MMEL1: variants seen among roughly 807,000 people sequenced by gnomAD.
MMEL1 encodes the protein membrane metalloendopeptidase like 1.
MMEL1 carries 98 observed loss-of-function variants against 117.1 expected under a neutral mutation model. The ratio of observed to expected loss-of-function variants is 0.84; its 90% CI spans 0.71 to 0.99. The LOEUF (loss-of-function observed/expected upper bound fraction) is 0.99, where lower values mean the gene tolerates loss of function less well. Ranked by LOEUF, MMEL1 falls within the 50% of genes least tolerant of loss-of-function variation. The pLI, the probability that MMEL1 is intolerant of heterozygous loss-of-function variation, is 0.00. For missense variants in MMEL1, 1,014 were observed against 1,049.1 expected, an observed-to-expected ratio of 0.97 and a Z score of 0.46; for synonymous variants, 390 against 415.1, an observed-to-expected ratio of 0.94 and a Z score of 0.74.
chr1:2,606,984 G>C lies in MMEL1; in HGVS notation c.621C>G (p.Asn207Lys). The C allele has an allele frequency of 1.9e-6, 3 of 1,612,708 alleles. No homozygotes were observed. The highest frequency in any genetic ancestry group is 1.7e-6 in the Non-Finnish European group (2 of 1,179,874). ...GGWPVAMDRW[N>K]ETVGLEWELE... ...CAGGCCCGGCCTTACCTACGGTCTC[G>C]TTCCACCTGTCCATCGCCACCGGCC... The change falls in exon 7 of 24, where the codon AAC becomes AAG. Residue 207 changes from asparagine to lysine, a missense_variant. Coordinates refer to ENST00000378412, the MANE Select transcript of MMEL1 (RefSeq NM_033467.4).
Position 2,612,175 on chromosome 1 carries a change from G to A in MMEL1, c.184C>T (p.Leu62=), listed in dbSNP as rs150544037. Residue 62 remains leucine (L), a synonymous_variant, in exon 3 of 24, where the codon CTG becomes TTG. Coordinates refer to ENST00000378412, the MANE Select transcript of MMEL1 (RefSeq NM_033467.4). This position sits in a 1 kb window ranked among gnomAD's most constrained non-coding sequence, Gnocchi z 5.4. ...GKQLPRLASR[L]CFLQEERTFV... is the part of the protein sequence containing the mutation. ...GTCCTCTCCTCCTGTAAGAAGCACA[G>A]CCGGCTAGCAAGGCGTGGCAGCTGC... The A allele has an allele frequency of 6.3e-7, 1 of 1,579,774 alleles. No individual in the cohort carries two copies. Among genetic ancestry groups the A allele is most frequent in the African/African-American group, 1.3e-5 (1 of 74,136 alleles).
intron 14 of MMEL1, among the ~76,000 whole-genome samples, chr1:2,596,351 C>T (rs1321498085): frequency 2.6e-5 from 4 of 152,126 alleles, no homozygotes; most frequent in African/African-American, 9.7e-5. Flanking sequence ...CTGTGCCTTT[C>T]CCAGCTGGAC....
In MMEL1 at chr1:2,604,135, C is replaced by CCCCCCCCAAACAGG; in HGVS notation, c.951+11_951+12insCCTGTTTGGGGGGG. The CCCCCCCCAAACAGG allele has an allele frequency of 6.6e-7, 1 of 1,520,166 alleles. No individual in the cohort carries two copies. Among genetic ancestry groups the CCCCCCCCAAACAGG allele is most frequent in the African/African-American group, 1.4e-5 (1 of 73,068 alleles). The allele number at this position is 1,520,166 out of a possible 1,614,324, so 94.2% of individuals were successfully genotyped here. ...CTCGCTGCCCGCTCCCCACCCGCCC[C>CCCCCCCCAAACAGG]GGCCCCCTTACCTTGGCCAGCTGTG... On this transcript the variant is annotated intron_variant, in intron 10 of 23. Coordinates refer to ENST00000378412, the MANE Select transcript of MMEL1 (RefSeq NM_033467.4).
intron 2 of MMEL1, among the ~76,000 whole-genome samples, chr1:2,616,332 G>A (rs1471669961): frequency 1.7e-5 from 2 of 115,124 alleles, no homozygotes; most frequent in African/African-American, 3.8e-5. Context: ...AACAGAGTGA[G>A]ACCCTAGCTC....
At chr1:2,591,679 G>T in intron 22 of MMEL1, 46 bp from the exon 23 acceptor site, 1 of 852,384 alleles carries the variant, frequency 1.2e-6, no homozygotes, top group Non-Finnish European at 1.9e-6. Context: ...TGGTGGGGTG[G>T]CCAGGAGGGG....
intron 10 of MMEL1, 25 bp downstream of exon 10, chr1:2,604,122 T>TGGCCCCCCC: frequency 2.2e-6 from 3 of 1,357,430 alleles, no homozygotes; most frequent in South Asian, 1.2e-5. Flanking sequence ...CGCTGCCCGC[T>TGGCCCCCCC]CCCCACCCGC....
At position 2,595,470 on chromosome 1, in the gene MMEL1, G is replaced by T; in HGVS notation, c.1501-111C>A. On this transcript the variant is annotated intron_variant, in intron 15 of 23. Coordinates refer to ENST00000378412, the MANE Select transcript of MMEL1 (RefSeq NM_033467.4). The surrounding 1 kb of genome is among the most constrained non-coding windows in gnomAD (Gnocchi z 4.8). ...GGAGGGGTCAGCCCGGGGCATCCTG[G>T]CTGTGCTCTCCCTGTCCTGTGGTGA... 1.1e-6 allele frequency: 1 copy of T among 875,368 alleles called. No homozygotes were observed. Among genetic ancestry groups the T allele is most frequent in the Non-Finnish European group, 1.9e-6 (1 of 531,774 alleles). 54.2% of individuals were successfully genotyped at this position (875,368 alleles called of 1,614,324 possible). A position where few individuals can be genotyped will look rare whatever the true frequency, so the allele number is the denominator to read the frequency against.
At chr1:2,620,526 C>G (rs1645273827) in intron 2 of MMEL1, among the ~76,000 whole-genome samples, 2 of 152,060 alleles carry the variant, frequency 1.3e-5, no homozygotes, top group Non-Finnish European at 2.9e-5. Context: ...TTGTTATGGA[C>G]TGACTTTGTG....
rs79090742 is a variant in MMEL1, at chr1:2,595,998, G to A, written c.1500+11C>T. The A allele has an allele frequency of 5.1e-5, 83 of 1,612,378 alleles. No homozygotes were observed. In the East Asian group the frequency reaches 9.8e-4, roughly 19 times the overall value. On this transcript the variant is annotated intron_variant, in intron 15 of 23. Coordinates refer to ENST00000378412, the MANE Select transcript of MMEL1 (RefSeq NM_033467.4). The surrounding 1 kb of genome is among the most constrained non-coding windows in gnomAD (Gnocchi z 4.8). ...CAGTCGGGGCTGCCCTGACCTCTGC[G>A]AGCCACATACCTTCTCCTGCGCCTT...
At chr1:2,604,062 A>G in intron 10 of MMEL1, 85 bp downstream of exon 10, 1 of 1,576,618 alleles carries the variant, frequency 6.3e-7, no homozygotes, top group Non-Finnish European at 8.6e-7. Flanking sequence ...CGGCCCACCC[A>G]GCACCCCCTC....
At chr1:2,599,679 G>A (rs1246184394) in intron 11 of MMEL1, among the ~76,000 whole-genome samples, 1 of 152,146 alleles carries the variant, frequency 6.6e-6, no homozygotes, top group Non-Finnish European at 1.5e-5. Flanking sequence ...CCAACATGGT[G>A]AAACCCTGTG....
chr1:2,593,631 C>T (rs145511787), intron 19 of MMEL1, among the ~76,000 whole-genome samples, 183 bp downstream of exon 19: 2,762 of 152,310 alleles, frequency 0.018, 30 homozygotes, highest in Admixed American at 0.027. Context: ...GGAGTCAGTG[C>T]CCCCAGACAG....
Position 2,594,773 on chromosome 1 carries a change from C to T in MMEL1, c.1688+17G>A, listed in dbSNP as rs754123157. ...CCTGGCCCCCCCCGCCCATGCCGCACCAGCGATGCCACTCACAGATTTGGG... is the reference window on the plus strand; with the variant it reads ...CCTGGCCCCCCCCGCCCATGCCGCATCAGCGATGCCACTCACAGATTTGGG... On this transcript the variant is annotated intron_variant, in intron 17 of 23. Coordinates refer to ENST00000378412, the MANE Select transcript of MMEL1 (RefSeq NM_033467.4). 1 of 1,604,778 alleles carries T rather than the reference C, an allele frequency of 6.2e-7. No individual in the cohort carries two copies. The highest frequency in any genetic ancestry group is 2.2e-5 in the East Asian group (1 of 44,844).
intron 2 of MMEL1, among the ~76,000 whole-genome samples, chr1:2,622,883 C>CAA (rs60522932): frequency 8.7e-5 from 9 of 104,040 alleles, no homozygotes; most frequent in South Asian, 3.0e-4. Flanking sequence ...AACTCTGTCT[C>CAA]AAAAAAAAAA....
At chr1:2,628,180 C>A (rs1638358997) in intron 2 of MMEL1, among the ~76,000 whole-genome samples, 1 of 152,218 alleles carries the variant, frequency 6.6e-6, no homozygotes, top group Non-Finnish European at 1.5e-5. Flanking sequence ...CCCCACTGCC[C>A]ACCGCCCATG....
At chr1:2,604,119 C>CCCAG in intron 10 of MMEL1, 28 bp downstream of exon 10, 2 of 1,510,108 alleles carry the variant, frequency 1.3e-6, no homozygotes, top group Non-Finnish European at 1.8e-6. Context: ...ACTCGCTGCC[C>CCCAG]GCTCCCCACC....
At position 2,612,258 on chromosome 1, in the gene MMEL1, G is replaced by T; in HGVS notation, c.155-54C>A. 1.3e-6 allele frequency: 2 copies of T among 1,487,162 alleles called. No homozygotes were observed. Among genetic ancestry groups the T allele is most frequent in the Non-Finnish European group, 1.8e-6 (2 of 1,088,852 alleles). The allele number at this position is 1,487,162 out of a possible 1,614,324, so 92.1% of individuals were successfully genotyped here. On this transcript the variant is annotated intron_variant, in intron 2 of 23. Transcript: ENST00000378412. This position sits in a 1 kb window ranked among gnomAD's most constrained non-coding sequence, Gnocchi z 5.4. ...GCCTCCTGCCTGCAGCTCCCTGGGG[G>T]TGCTGGGGGCCTCCCTGGGTCAGCA...
intron 2 of MMEL1, among the ~76,000 whole-genome samples, chr1:2,614,396 C>T (rs1645172827): frequency 6.6e-6 from 1 of 152,186 alleles, no homozygotes; most frequent in Non-Finnish European, 1.5e-5. Flanking sequence ...CAGCTGAACT[C>T]TGAAACCACT....
chr1:2,618,860 T>C (rs1373755704), intron 2 of MMEL1, among the ~76,000 whole-genome samples: 3 of 152,206 alleles, frequency 2.0e-5, no homozygotes, highest in Admixed American at 1.3e-4. Flanking sequence ...CCCCAAAGAT[T>C]GCCAATTAGG....
Sources: allele counts gnomAD v4.1 joint callset (sites outside exome capture counted in the v4.1 genomes callset), GRCh38; gene constraint gnomAD v4.1.1; non-coding constraint Gnocchi (gnomAD v3.1); transcripts MANE v1.5; gene names NCBI Gene and HGNC (gene_info 2026-07-23, HGNC 2026-07-21).